The following TAF4B variants were observed in gnomAD, a reference collection of about 807,000 sequenced individuals.
TAF4B encodes the protein TATA-box binding protein associated factor 4b.
A neutral mutation model predicts 86.4 loss-of-function variants in TAF4B; 38 were observed. The observed-to-expected ratio is 0.44, with a 90% confidence interval of 0.34 to 0.58. TAF4B has a LOEUF of 0.58. Ranked by LOEUF, TAF4B falls within the 20% of genes least tolerant of loss-of-function variation. The pLI, the probability that TAF4B is intolerant of heterozygous loss-of-function variation, is 0.02. For missense variants in TAF4B, 988 were observed against 1,027.6 expected (o/e 0.96, Z 0.53); for synonymous variants, 388 against 391.2 (o/e 0.99, Z 0.10).
intron 3 of TAF4B, among the ~76,000 whole-genome samples, chr18:26,269,663 T>C (rs2056288221): frequency 6.6e-6 from 1 of 152,152 alleles, no homozygotes. Flanking sequence ...ATTTTTCTAC[T>C]AATACCATTT....
At chr18:26,327,393 A>T (rs1338671986) in intron 12 of TAF4B, among the ~76,000 whole-genome samples, 3 of 152,172 alleles carry the variant, frequency 2.0e-5, no homozygotes, top group Non-Finnish European at 2.9e-5. Context: ...CCCAGGTAAA[A>T]TGTTTCGTAA....
At chr18:26,265,454 A>G (rs938252624) in intron 2 of TAF4B, 139 bp downstream of exon 2, 1 of 975,674 alleles carries the variant, frequency 1.0e-6, no homozygotes, top group African/African-American at 1.7e-5. Flanking sequence ...TGCCTTGAAT[A>G]TGTCAATTTA....
In TAF4B at chr18:26,286,491, A is replaced by G; in HGVS notation, c.1582A>G (p.Lys528Glu). 6.2e-7 allele frequency: 1 copy of G among 1,600,288 alleles called. No homozygotes were observed. The highest frequency in any genetic ancestry group is 8.5e-7 in the Non-Finnish European group (1 of 1,175,844). Residue 528 changes from lysine to glutamate, a missense_variant, in exon 7 of 15, where the codon AAG (lysine) becomes GAG (glutamate). By Grantham distance (56) the Lys-to-Glu change is moderately conservative. Around this residue, in one of 3 missense-constraint regions of TAF4B, gnomAD observed 747 missense variants for 737.9 expected, o/e 1.01. Coordinates refer to ENST00000269142, the MANE Select transcript of TAF4B (RefSeq NM_005640.3). ...TGGGATTCCACAGGCAGTTCAAGTC[A>G]AGCAACTAGTGAGTAACATTTTGTT... ...PAGIPQAVQV[K>E]QLVVQQPSGG... is the part of the protein sequence containing the mutation.
chr18:26,284,641 G>C (rs145906527), intron 6 of TAF4B, among the ~76,000 whole-genome samples: 3 of 152,208 alleles, frequency 2.0e-5, no homozygotes, highest in African/African-American at 7.2e-5. Flanking sequence ...ACTTTGGGAG[G>C]CCGAGGTTGG....
rs2055592386 is a variant in TAF4B at position 26,227,271 on chromosome 18, C to T, written c.338C>T (p.Pro113Leu). 1 of 1,612,560 alleles carries T rather than the reference C, an allele frequency of 6.2e-7. No homozygotes were observed. The highest frequency in any genetic ancestry group is 8.5e-7 in the Non-Finnish European group (1 of 1,179,350). Residue 113 changes from proline to leucine, a missense_variant, in exon 1 of 15, where the codon CCT (proline) becomes CTT (leucine). Around this residue, in one of 3 missense-constraint regions of TAF4B, gnomAD observed 747 missense variants for 737.9 expected, o/e 1.01. Transcript: ENST00000269142. ...TIQFPANLQLPPGTVLIKSNS... is the reference protein window; with the variant it reads ...TIQFPANLQLLPGTVLIKSNS... The stretch of plus-strand genomic sequence containing the variant: ...CAGTTTCCTGCTAATTTGCAGCTTC[C>T]TCCAGGTATGTTGATAACCCTTTCC...
chr18:26,303,062 G>C (rs8084145), intron 9 of TAF4B, among the ~76,000 whole-genome samples: 71,803 of 79,260 alleles, frequency 0.91, 33,146 homozygotes, highest in Middle Eastern at 0.98. Context: ...TTTCATACCC[G>C]CTCCACTTTC....
intron 3 of TAF4B, among the ~76,000 whole-genome samples, chr18:26,273,608 T>G (rs1024172334): frequency 6.6e-6 from 1 of 152,210 alleles, no homozygotes; most frequent in Admixed American, 6.5e-5. Context: ...TTACCCAGAC[T>G]GGTCTCGAAC....
At chr18:26,356,799 T>G (rs2057291894) in intron 13 of TAF4B, among the ~76,000 whole-genome samples, 1 of 151,678 alleles carries the variant, frequency 6.6e-6, no homozygotes, top group South Asian at 2.1e-4. Flanking sequence ...GTGTTTTTTT[T>G]TTTTTTTTTA....
At chr18:26,230,801 G>T (rs1477932835) in intron 1 of TAF4B, among the ~76,000 whole-genome samples, 1 of 152,124 alleles carries the variant, frequency 6.6e-6, no homozygotes, top group African/African-American at 2.4e-5. Context: ...TCAGGGCCTA[G>T]TGAGTTGTGC....
intron 1 of TAF4B, among the ~76,000 whole-genome samples, chr18:26,232,033 G>A (rs901085549): frequency 1.1e-4 from 16 of 152,082 alleles, no homozygotes; most frequent in African/African-American, 3.6e-4. Context: ...TTTATAGAGC[G>A]CTGATTGGTG....
rs1298359765 is a variant in TAF4B, at chr18:26,346,801, G to GTGTATA, written c.2317-10888_2317-10887insGTATAT. 3.0e-3 allele frequency among the ~76,000 whole-genome samples: 54 copies of GTGTATA among 18,244 alleles called. 2 individuals are homozygous for GTGTATA. Among genetic ancestry groups the GTGTATA allele is most frequent in the African/African-American group, 5.3e-3 (50 of 9,516 alleles). The allele number at this position is 18,244 out of a possible 152,430, so 12.0% of individuals were successfully genotyped here. ...TGTGTGTATATATATATATATATGT[G>GTGTATA]TATATATATATATATGTGTGTGTAT... On this transcript the variant is annotated intron_variant, in intron 13 of 14. Transcript: ENST00000269142.
At chr18:26,369,834 T>C (rs1217876212) in intron 14 of TAF4B, among the ~76,000 whole-genome samples, 2 of 152,222 alleles carry the variant, frequency 1.3e-5, no homozygotes, top group Non-Finnish European at 2.9e-5. Context: ...TGCTAACTAA[T>C]ACAGGGCTTT....
intron 9 of TAF4B, among the ~76,000 whole-genome samples, chr18:26,294,314 C>A (rs1027455139): frequency 6.6e-6 from 1 of 151,818 alleles, no homozygotes. Context: ...TTTAAAAATC[C>A]ATTTTAATAG....
intron 9 of TAF4B, among the ~76,000 whole-genome samples, chr18:26,297,778 A>G (rs1387769244): frequency 1.3e-5 from 2 of 152,146 alleles, no homozygotes; most frequent in Admixed American, 6.5e-5. Context: ...GTTTTTGGCA[A>G]TGATAAAGCT....
At chr18:26,316,532 AG>A (rs1467554883) in intron 10 of TAF4B, among the ~76,000 whole-genome samples, 2 of 152,042 alleles carry the variant, frequency 1.3e-5, no homozygotes, top group African/African-American at 4.8e-5. Context: ...CTGGGATTAT[AG>A]GCACCCACCA....
chr18:26,381,357 A>G (rs72881886), intron 14 of TAF4B, among the ~76,000 whole-genome samples: 6,677 of 151,984 alleles, frequency 0.044, 202 homozygotes, highest in Non-Finnish European at 0.062. Flanking sequence ...GTTCAGAGGT[A>G]CAATGTGCAT....
intron 1 of TAF4B, among the ~76,000 whole-genome samples, chr18:26,260,683 A>G (rs1322347528): frequency 6.6e-6 from 1 of 152,016 alleles, no homozygotes; most frequent in African/African-American, 2.4e-5. Flanking sequence ...CATAATTTCT[A>G]CAGATTTATC....
At chr18:26,267,474 C>A (rs747160597) in intron 2 of TAF4B, 42 bp from the exon 3 acceptor site, 5 of 1,326,854 alleles carry the variant, frequency 3.8e-6, no homozygotes, top group Non-Finnish European at 5.4e-6. Flanking sequence ...AAATTACTAA[C>A]GCTAATGACT....
intron 14 of TAF4B, among the ~76,000 whole-genome samples, chr18:26,363,073 GT>G (rs1274037267): frequency 1.3e-5 from 2 of 152,008 alleles, no homozygotes; most frequent in African/African-American, 2.4e-5. Flanking sequence ...AGCGTCTTTG[GT>G]TTTTGCTATC....
Sources: gnomAD v4.1 joint callset for allele counts (sites outside exome capture counted in the v4.1 genomes callset) on GRCh38, gnomAD v4.1.1 for gene constraint, gnomAD v4.1.1 regional missense constraint, MANE v1.5 for transcripts, NCBI Gene and HGNC (gene_info 2026-07-23, HGNC 2026-07-21) for gene names.